OR3A2: variants seen among roughly 807,000 people sequenced by gnomAD.
OR3A2 encodes olfactory receptor family 3 subfamily A member 2.
For synonymous variants in OR3A2, 126 were observed against 159.3 expected, an observed-to-expected ratio of 0.79 and a Z score of 1.57; for missense variants, 318 against 392.8, an observed-to-expected ratio of 0.81 and a Z score of 1.61.
chr17:3,293,350 A>C (rs1412158432), intron 3 of OR3A2, among the ~76,000 whole-genome samples: 1 of 152,228 alleles, frequency 6.6e-6, no homozygotes, highest in Non-Finnish European at 1.5e-5. Flanking sequence ...AACTGGAGGC[A>C]AAAGGTAGAA....
At chr17:3,298,400 A>G (rs1597325657) in intron 3 of OR3A2, 1 of 152,182 alleles carries the variant, frequency 6.6e-6, no homozygotes, top group African/African-American at 2.4e-5. Context: ...TCGTGACTCA[A>G]TACAACCCTC....
At chr17:3,383,558 C>A (rs2049755902) in intron 2 of OR3A2, among the ~76,000 whole-genome samples, 1 of 152,174 alleles carries the variant, frequency 6.6e-6, no homozygotes, top group African/African-American at 2.4e-5. Flanking sequence ...GCTCTTCTCA[C>A]TGCATCACAC....
intron 2 of OR3A2, among the ~76,000 whole-genome samples, chr17:3,355,115 C>A (rs114543575): frequency 0.016 from 2,357 of 150,570 alleles, 163 homozygotes; most frequent in African/African-American, 0.053. Flanking sequence ...TTCCAAAATT[C>A]TTCTTATTAT....
intron 2 of OR3A2, among the ~76,000 whole-genome samples, chr17:3,368,855 T>C (rs1316732537): frequency 6.6e-6 from 1 of 152,230 alleles, no homozygotes; most frequent in Non-Finnish European, 1.5e-5. Context: ...ATATTGATTC[T>C]ACCCATTCAT....
intron 3 of OR3A2, among the ~76,000 whole-genome samples, chr17:3,325,746 A>T (rs2049166026): frequency 6.6e-6 from 1 of 152,064 alleles, no homozygotes. Flanking sequence ...TTGAGGTAAG[A>T]TATACATGTA....
At chr17:3,292,162 G>A (rs1287107155) in intron 3 of OR3A2, 1 of 1,614,050 alleles carries the variant, frequency 6.2e-7, no homozygotes, top group Non-Finnish European at 8.5e-7. Flanking sequence ...TGGACTGTCT[G>A]ACTCATGCGG....
At chr17:3,300,766 T>C (rs1243092161) in intron 3 of OR3A2, among the ~76,000 whole-genome samples, 3 of 152,022 alleles carry the variant, frequency 2.0e-5, no homozygotes, top group Non-Finnish European at 2.9e-5. Flanking sequence ...TATGTATACA[T>C]GTGCTGTGTT....
chr17:3,284,149 T>G (rs145355213), intron 1 of OR3A2, among the ~76,000 whole-genome samples: 1 of 136,070 alleles, frequency 7.3e-6, no homozygotes, highest in Non-Finnish European at 1.6e-5. Flanking sequence ...CTCACACTCA[T>G]GCTAACAGGC....
intron 2 of OR3A2, among the ~76,000 whole-genome samples, chr17:3,363,198 C>A (rs1052948182): frequency 3.3e-5 from 5 of 151,818 alleles, no homozygotes; most frequent in African/African-American, 1.2e-4. Flanking sequence ...GTCTTTTCTA[C>A]CTCATGGTCA....
chr17:3,362,744 C>T (rs766156820), intron 2 of OR3A2, among the ~76,000 whole-genome samples: 11 of 151,796 alleles, frequency 7.2e-5, no homozygotes, highest in African/African-American at 1.2e-4. Context: ...AGAGGTTATC[C>T]GTGATGGCTG....
In OR3A2 at chr17:3,311,647, T is replaced by C; in HGVS notation, c.-85+24386A>G. Reference sequence around the variant, plus strand: ...CCCCATGATCTTTATCTCAGTGTCCTATGCCCACGTCACAGCTGCAATATT... The same window carrying C: ...CCCCATGATCTTTATCTCAGTGTCCCATGCCCACGTCACAGCTGCAATATT... On this transcript the variant is annotated intron_variant, in intron 3 of 4. Transcript: ENST00000573491. The surrounding 1 kb of genome is among the most constrained non-coding windows in gnomAD (Gnocchi z 4.6). The C allele has an allele frequency of 3.1e-6, 1 of 321,978 alleles. No individual in the cohort carries two copies. The highest frequency in any genetic ancestry group is 4.0e-5 in the Admixed American group (1 of 24,956). The allele number at this position is 321,978 out of a possible 1,614,324, so 19.9% of individuals were successfully genotyped here. A position where few individuals can be genotyped will look rare whatever the true frequency, so the allele number is the denominator to read the frequency against.
At chr17:3,326,099 G>A (rs1299249523) in intron 3 of OR3A2, among the ~76,000 whole-genome samples, 1 of 152,102 alleles carries the variant, frequency 6.6e-6, no homozygotes, top group Admixed American at 6.6e-5. Context: ...CTCCATCCAT[G>A]TTCCTGCAAA....
chr17:3,312,388 A>T (rs1158267113), intron 3 of OR3A2, among the ~76,000 whole-genome samples: 3 of 152,156 alleles, frequency 2.0e-5, no homozygotes, highest in African/African-American at 7.2e-5. Flanking sequence ...CTTGACATAC[A>T]CTAGGAGCAG....
At chr17:3,279,632 A>T (rs1445820190) in intron 1 of OR3A2, among the ~76,000 whole-genome samples, 2 of 152,200 alleles carry the variant, frequency 1.3e-5, no homozygotes. Context: ...CATCTCTACT[A>T]CAAAAATTAG....
intron 3 of OR3A2, among the ~76,000 whole-genome samples, chr17:3,290,164 G>C (rs995883966): frequency 1.3e-5 from 2 of 152,144 alleles, no homozygotes; most frequent in African/African-American, 4.8e-5. Context: ...TAGTAGAGAA[G>C]ACGGACTACA....
At chr17:3,292,398 A>C (rs1209083864) in intron 3 of OR3A2, 2 of 1,613,892 alleles carry the variant, frequency 1.2e-6, no homozygotes, top group East Asian at 2.2e-5. Flanking sequence ...GAAGAAGTAC[A>C]TGGGGGTGTG....
chr17:3,339,139 G>T (rs2049294884), intron 2 of OR3A2, among the ~76,000 whole-genome samples: 1 of 152,174 alleles, frequency 6.6e-6, no homozygotes, highest in South Asian at 2.1e-4. Flanking sequence ...CTTTGCTGAA[G>T]TTGCTTATCA....
chr17:3,362,334 T>G (rs1375370632), intron 2 of OR3A2, among the ~76,000 whole-genome samples: 1 of 151,666 alleles, frequency 6.6e-6, no homozygotes, highest in African/African-American at 2.4e-5. Flanking sequence ...TTGCTAGCAG[T>G]CTATCAATTT....
intron 3 of OR3A2, chr17:3,310,693 C>A (rs1233319902): frequency 1.8e-6 from 1 of 545,198 alleles, no homozygotes; most frequent in Admixed American, 1.9e-5. Context: ...CGCTATCTGG[C>A]CATCTGCCAG....
Sources: allele counts gnomAD v4.1 joint callset (sites outside exome capture counted in the v4.1 genomes callset), GRCh38; gene constraint gnomAD v4.1.1; non-coding constraint Gnocchi (gnomAD v3.1); transcripts MANE v1.5; gene names NCBI Gene and HGNC (gene_info 2026-07-23, HGNC 2026-07-21).